Variants in PCA3 observed in about 807,000 individuals in gnomAD.
The protein encoded by PCA3 is prostate cancer associated 3.
chr9:76,786,786 C>T (rs1233044062), intron 2 of PCA3: 1 of 152,204 alleles, frequency 6.6e-6, no homozygotes, highest in Non-Finnish European at 1.5e-5. Context: ...CAAAATCCAA[C>T]TCATTATCTT....
intron 2 of PCA3, among the ~76,000 whole-genome samples, chr9:76,775,724 G>C (rs1244094920): frequency 6.6e-6 from 1 of 152,188 alleles, no homozygotes; most frequent in Non-Finnish European, 1.5e-5. Context: ...TGTGAAAATA[G>C]TTGTACATCA....
At chr9:76,777,193 G>C (rs1453436232) in intron 2 of PCA3, among the ~76,000 whole-genome samples, 1 of 152,166 alleles carries the variant, frequency 6.6e-6, no homozygotes, top group Non-Finnish European at 1.5e-5. Context: ...ATGTGAAACT[G>C]CTAGGGACAA....
At chr9:76,784,919 T>A (rs1359106232) in intron 2 of PCA3, 1 of 152,232 alleles carries the variant, frequency 6.6e-6, no homozygotes, top group East Asian at 1.9e-4. Context: ...GATTAACTTT[T>A]TTTTTTAACC....
intron 2 of PCA3, among the ~76,000 whole-genome samples, chr9:76,765,185 C>T (rs531850902): frequency 1.3e-5 from 2 of 152,232 alleles, no homozygotes; most frequent in East Asian, 3.9e-4. Context: ...TGGAACCAAG[C>T]TGGGAATTCC....
intron 2 of PCA3, among the ~76,000 whole-genome samples, chr9:76,774,561 C>A (rs753892753): frequency 6.7e-6 from 1 of 149,078 alleles, no homozygotes; most frequent in Non-Finnish European, 1.5e-5. Context: ...CAGATTCAAG[C>A]AATTCTCCTG....
chr9:76,776,974 C>T (rs937374486), intron 2 of PCA3, among the ~76,000 whole-genome samples: 2 of 149,704 alleles, frequency 1.3e-5, no homozygotes, highest in African/African-American at 4.9e-5. Context: ...TTCCACTCAG[C>T]GGAGATTCTC....
intron 2 of PCA3, among the ~76,000 whole-genome samples, chr9:76,781,326 AC>A (rs2131207009): frequency 6.6e-6 from 1 of 152,178 alleles, no homozygotes; most frequent in African/African-American, 2.4e-5. Flanking sequence ...ATCTGATCCC[AC>A]CACCTCTCCA....
intron 2 of PCA3, among the ~76,000 whole-genome samples, chr9:76,776,575 C>T (rs761708858): frequency 8.2e-6 from 1 of 122,366 alleles, no homozygotes; most frequent in East Asian, 2.6e-4. Flanking sequence ...GAGTGCAGTG[C>T]ACAATCTCGG....
At chr9:76,785,335 G>A (rs2131297155) in intron 2 of PCA3, 1 of 152,300 alleles carries the variant, frequency 6.6e-6, no homozygotes. Context: ...TACTAAAAGT[G>A]TAATTTGATT....
chr9:76,778,263 CTCT>C (rs1459109493), intron 2 of PCA3: 1 of 152,198 alleles, frequency 6.6e-6, no homozygotes, highest in Non-Finnish European at 1.5e-5. Flanking sequence ...TTTCCCTCAG[CTCT>C]TCTAGAGACA....
At chr9:76,781,748 G>A (rs148045634) in intron 2 of PCA3, among the ~76,000 whole-genome samples, 6 of 152,202 alleles carry the variant, frequency 3.9e-5, no homozygotes, top group Admixed American at 1.3e-4. Flanking sequence ...TATGTTCCTC[G>A]TACCTAGCAC....
chr9:76,778,948 C>G (rs2054084650), intron 2 of PCA3: 1 of 152,170 alleles, frequency 6.6e-6, no homozygotes, highest in Non-Finnish European at 1.5e-5. Context: ...TGGCTGAGCA[C>G]CACTGAGCAT....
intron 2 of PCA3, among the ~76,000 whole-genome samples, chr9:76,770,856 T>A (rs1391964113): frequency 6.6e-6 from 1 of 152,162 alleles, no homozygotes; most frequent in African/African-American, 2.4e-5. Flanking sequence ...TACCTCAACT[T>A]TGATAATATC....
intron 2 of PCA3, among the ~76,000 whole-genome samples, chr9:76,774,472 T>A (rs1589149991): frequency 1.4e-4 from 21 of 146,438 alleles, no homozygotes; most frequent in African/African-American, 4.0e-4. Context: ...TTTTTTTTTT[T>A]TTTTTGAGAT....
In PCA3 at chr9:76,774,098, G is replaced by A. The variant is rs937419101; in HGVS notation, n.853-34485G>A. Among the ~76,000 whole-genome samples the A allele has an allele frequency of 5.9e-5, 9 of 152,052 alleles. No individual in the cohort carries two copies. In the South Asian group the frequency reaches 1.0e-3, roughly 18 times the overall value. On this transcript the variant is annotated intron_variant and non_coding_transcript_variant, in intron 2 of 5. Transcript: ENST00000644657. Reference sequence around the variant, plus strand: ...ACTTGAAAACTTGGGCAGAGTAGAGGGAAAAGAATAGGTTTGATTCTTTTT... The same window carrying A: ...ACTTGAAAACTTGGGCAGAGTAGAGAGAAAAGAATAGGTTTGATTCTTTTT...
In PCA3 at chr9:76,776,889, CACAT is replaced by C. The variant is rs200464947; in HGVS notation, n.853-31690_853-31687del. ...TTGAGTTTCTTTCTCATTACCAAAACACATACACACACACACACACACACACACA... is the reference window on the plus strand; with the variant it reads ...TTGAGTTTCTTTCTCATTACCAAAACACACACACACACACACACACACACA... On this transcript the variant is annotated intron_variant and non_coding_transcript_variant, in intron 2 of 5. Transcript: ENST00000644657. Among the ~76,000 whole-genome samples, 657 of 88,206 alleles carry C rather than the reference CACAT, an allele frequency of 7.4e-3. 5 individuals carry two copies. Among genetic ancestry groups the C allele is most frequent in the African/African-American group, 0.019 (280 of 14,606 alleles). 57.9% of individuals were successfully genotyped at this position (88,206 alleles called of 152,430 possible). A position where few individuals can be genotyped will look rare whatever the true frequency, so the allele number is the denominator to read the frequency against.
At chr9:76,776,547 G>A (rs2053784879) in intron 2 of PCA3, among the ~76,000 whole-genome samples, 1 of 88,638 alleles carries the variant, frequency 1.1e-5, no homozygotes, top group African/African-American at 6.6e-5. Flanking sequence ...GATGAGTCTC[G>A]CTCTGTTGCC....
Position 76,765,072 on chromosome 9 carries a change from G to A in PCA3, n.852+28457G>A, listed in dbSNP as rs1460445013. On this transcript the variant is annotated intron_variant and non_coding_transcript_variant, in intron 2 of 5. Transcript: ENST00000644657. ...GGAGATATCAAGCAGGCAAGTTAGA[G>A]ATATACGTTTTGAGTTCAGTAGCAG... Among the ~76,000 whole-genome samples, 10 of 152,310 alleles carry A rather than the reference G, an allele frequency of 6.6e-5. No homozygotes were observed. In the East Asian group the frequency reaches 1.9e-3, roughly 29 times the overall value.
intron 2 of PCA3, among the ~76,000 whole-genome samples, chr9:76,780,561 G>C (rs867489588): frequency 6.6e-6 from 1 of 152,104 alleles, no homozygotes; most frequent in South Asian, 2.1e-4. Context: ...CATGGTGGCG[G>C]GTGCCTGTAG....
Sources: allele counts gnomAD v4.1 joint callset (sites outside exome capture counted in the v4.1 genomes callset), GRCh38; gene constraint gnomAD v4.1.1; transcripts MANE v1.5; gene names NCBI Gene and HGNC (gene_info 2026-07-23, HGNC 2026-07-21).